HDX: variants seen among roughly 807,000 people sequenced by gnomAD.
HDX encodes the protein chromosome X open reading frame 43.
HDX carries 19 observed loss-of-function variants against 45.2 expected under a neutral mutation model. The observed-to-expected ratio is 0.42, with a 90% CI of 0.29 to 0.62. The LOEUF (loss-of-function observed/expected upper bound fraction) is 0.62. Ranked by LOEUF, HDX falls within the 20% of genes least tolerant of loss-of-function variation. The probability of loss-of-function intolerance (pLI) is 0.20; values close to 1 mark genes in which losing one functional copy is unlikely to be tolerated. For synonymous variants in HDX, 188 were observed against 172.8 expected (o/e 1.09, Z -0.69); for missense variants, 532 against 493.9 (o/e 1.08, Z -0.73).
intron 5 of HDX, among the ~76,000 whole-genome samples, chrX:84,405,401 AGAAGG>A (rs1258220241): frequency 9.1e-6 from 1 of 110,102 alleles, no homozygotes; most frequent in Non-Finnish European, 1.9e-5. Context: ...CCACCCAAAC[AGAAGG>A]GAGCAGACAA....
At chrX:84,434,861 C>T (rs11795824) in intron 5 of HDX, among the ~76,000 whole-genome samples, 47,620 of 109,914 alleles carry the variant, frequency 0.43, 7,408 homozygotes, top group South Asian at 0.55. Flanking sequence ...TTATTTGTCC[C>T]TTCAGATTTT....
chrX:84,487,138 A>G (rs1490728348), intron 2 of HDX, among the ~76,000 whole-genome samples: 1 of 112,051 alleles, frequency 8.9e-6, no homozygotes, highest in Non-Finnish European at 1.9e-5. Flanking sequence ...TGCCTGTAAA[A>G]AAATTTCAGA....
intron 1 of HDX, among the ~76,000 whole-genome samples, chrX:84,494,469 A>G (rs1210313955): frequency 8.9e-6 from 1 of 112,063 alleles, no homozygotes; most frequent in Non-Finnish European, 1.9e-5. Flanking sequence ...ACACAAAGAG[A>G]TAGACTATTT....
intron 4 of HDX, among the ~76,000 whole-genome samples, chrX:84,461,781 A>C (rs771468727): frequency 2.7e-5 from 3 of 112,255 alleles, no homozygotes; most frequent in Admixed American, 1.9e-4. Context: ...ATAAGGGATT[A>C]ATAATCAGAA....
chrX:84,448,604 T>G (rs139510308), intron 4 of HDX, among the ~76,000 whole-genome samples: 2 of 99,751 alleles, frequency 2.0e-5, no homozygotes, highest in Non-Finnish European at 4.1e-5. Context: ...AAAGCCAAAG[T>G]GCCCTACACA....
chrX:84,328,744 G>A (rs1488979910), intron 9 of HDX, among the ~76,000 whole-genome samples: 3 of 111,751 alleles, frequency 2.7e-5, no homozygotes, highest in African/African-American at 9.7e-5. Context: ...GGAGCAATTA[G>A]AAGTCTCATA....
intron 7 of HDX, among the ~76,000 whole-genome samples, chrX:84,341,708 C>T (rs1754809407): frequency 9.3e-6 from 1 of 107,328 alleles, no homozygotes; most frequent in African/African-American, 3.5e-5. Flanking sequence ...CTGAAATCTC[C>T]TTATTTGTTT....
chrX:84,494,212 C>T (rs372763975), intron 1 of HDX, among the ~76,000 whole-genome samples: 2 of 111,300 alleles, frequency 1.8e-5, no homozygotes, highest in South Asian at 3.8e-4. Context: ...ACAGCGTCTC[C>T]GAATGAGCTA....
chrX:84,425,602 T>C (rs2039366199), intron 5 of HDX, among the ~76,000 whole-genome samples: 1 of 111,760 alleles, frequency 8.9e-6, no homozygotes, highest in African/African-American at 3.2e-5. Flanking sequence ...GTGGTAAATA[T>C]ACAAAATGAA....
At chrX:84,348,100 A>G (rs765974993) in intron 6 of HDX, among the ~76,000 whole-genome samples, 2 of 110,874 alleles carry the variant, frequency 1.8e-5, no homozygotes, top group Non-Finnish European at 1.9e-5. Context: ...CCCATTAGAC[A>G]TATGTTACAC....
intron 5 of HDX, among the ~76,000 whole-genome samples, chrX:84,429,514 T>C (rs1483266383): frequency 3.6e-5 from 4 of 111,046 alleles, no homozygotes; most frequent in African/African-American, 1.3e-4. Flanking sequence ...TTTTTGTGTA[T>C]TGAACGTGTA....
chrX:84,449,448 A>G (rs1258093689), intron 4 of HDX, among the ~76,000 whole-genome samples: 1 of 111,931 alleles, frequency 8.9e-6, no homozygotes, highest in African/African-American at 3.2e-5. Flanking sequence ...TATAAAACCC[A>G]CATCAGACTA....
chrX:84,487,220 T>C (rs2040813565), intron 2 of HDX, among the ~76,000 whole-genome samples: 1 of 112,332 alleles, frequency 8.9e-6, no homozygotes, highest in Non-Finnish European at 1.9e-5. Context: ...TGAGAACTTC[T>C]CACAGCTTAC....
At chrX:84,501,047 A>G (rs1307250792) in intron 1 of HDX, among the ~76,000 whole-genome samples, 1 of 111,451 alleles carries the variant, frequency 9.0e-6, no homozygotes, top group African/African-American at 3.3e-5. Context: ...AGGAAAATTT[A>G]CCAGTACTTG....
chrX:84,436,026 C>G (rs1355333395), intron 5 of HDX, among the ~76,000 whole-genome samples: 1 of 89,377 alleles, frequency 1.1e-5, no homozygotes, highest in Admixed American at 1.3e-4. Context: ...TTGGAACCAA[C>G]CCAAATGTCC....
At chrX:84,442,124 C>G (rs1174726587) in intron 4 of HDX, among the ~76,000 whole-genome samples, 1 of 111,340 alleles carries the variant, frequency 9.0e-6, no homozygotes, top group Non-Finnish European at 1.9e-5. Flanking sequence ...GGGTGTACTT[C>G]TCACTTGCTC....
intron 6 of HDX, among the ~76,000 whole-genome samples, chrX:84,346,707 T>G (rs2147806544): frequency 9.0e-6 from 1 of 111,621 alleles, no homozygotes; most frequent in Admixed American, 9.5e-5. Context: ...GACCTTGTTC[T>G]AAATCTCACA....
chrX:84,341,891 G>A (rs1350239096), intron 7 of HDX, among the ~76,000 whole-genome samples: 2 of 109,829 alleles, frequency 1.8e-5, no homozygotes, highest in Non-Finnish European at 3.8e-5. Flanking sequence ...CACTGCACCC[G>A]ACTCTTTCCT....
At chrX:84,475,464 T>A (rs1313603273) in intron 2 of HDX, 67 bp from the exon 3 acceptor site, 1 of 628,257 alleles carries the variant, frequency 1.6e-6, no homozygotes, top group Non-Finnish European at 2.4e-6. Flanking sequence ...TTTGTACACC[T>A]ATTTTTTTAA....
Sources: allele counts gnomAD v4.1 joint callset (sites outside exome capture counted in the v4.1 genomes callset), GRCh38; gene constraint gnomAD v4.1.1; transcripts MANE v1.5; gene names NCBI Gene and HGNC (gene_info 2026-07-23, HGNC 2026-07-21).